The following NAV2 variants were observed in gnomAD, a reference collection of about 807,000 sequenced individuals.
NAV2 encodes neuron navigator 2, also known as helicase, APC down-regulated 1.
Under a neutral mutation model 223.2 loss-of-function variants are expected in NAV2, and 54 were observed. That is an observed-to-expected ratio of 0.24 (90% CI 0.19 to 0.30). The LOEUF (loss-of-function observed/expected upper bound fraction) is 0.30. NAV2 is among the 10% of genes least tolerant of loss of function. NAV2 has a pLI of 1.00. For missense variants in NAV2, 2,806 were observed against 3,147.5 expected (o/e 0.89, Z 2.60); for synonymous variants, 1,279 against 1,239.3 (o/e 1.03, Z -0.67).
At position 19,930,622 on chromosome 11, in the gene NAV2, G is replaced by GT. The variant is rs796677963; in HGVS notation, c.932-2548dup. 3.5e-4 allele frequency among the ~76,000 whole-genome samples: 54 copies of GT among 152,298 alleles called. 1 individual carries two copies. The highest frequency in any genetic ancestry group is 1.2e-3 in the African/African-American group (49 of 41,572). On this transcript the variant is annotated intron_variant, in intron 6 of 37. Transcript: ENST00000349880. ...TCCATGAAGGCAGAGATTTCTATCT[G>GT]TTTTTTCATCGATGGATCCCAAGTA...
chr11:19,518,155 A>T (rs954190909), intron 1 of NAV2, among the ~76,000 whole-genome samples: 3 of 152,228 alleles, frequency 2.0e-5, no homozygotes, highest in Admixed American at 1.3e-4. Flanking sequence ...TTCCTGGATA[A>T]CAGACTCCTA....
At chr11:19,887,927 A>G (rs1279877867) in intron 5 of NAV2, among the ~76,000 whole-genome samples, 2 of 142,034 alleles carry the variant, frequency 1.4e-5, no homozygotes, top group African/African-American at 5.3e-5. Context: ...CAGCCTCTGA[A>G]GTGGTTTTGG....
intron 1 of NAV2, among the ~76,000 whole-genome samples, chr11:19,815,970 G>C (rs1285440423): frequency 6.6e-6 from 1 of 152,180 alleles, no homozygotes; most frequent in Non-Finnish European, 1.5e-5. Flanking sequence ...GTATCTTTGT[G>C]CAAATTGTTC....
intron 11 of NAV2, among the ~76,000 whole-genome samples, chr11:20,008,034 A>G (rs900529308): frequency 3.3e-5 from 5 of 152,252 alleles, no homozygotes; most frequent in Admixed American, 3.3e-4. Flanking sequence ...GCAAAGTTGC[A>G]GAAACCAAAT....
intron 1 of NAV2, among the ~76,000 whole-genome samples, chr11:19,770,172 T>C (rs539006381): frequency 2.0e-5 from 3 of 152,312 alleles, no homozygotes; most frequent in East Asian, 1.9e-4. Flanking sequence ...TTAGAAGCCA[T>C]TGAACTTTTA....
intron 1 of NAV2, among the ~76,000 whole-genome samples, chr11:19,532,141 C>T (rs138240572): frequency 2.0e-5 from 3 of 152,188 alleles, no homozygotes; most frequent in Non-Finnish European, 2.9e-5. Context: ...TGGCCCATTT[C>T]GAGCCCAGTG....
intron 22 of NAV2, among the ~76,000 whole-genome samples, chr11:20,072,155 T>C (rs1032826262): frequency 2.0e-5 from 3 of 152,228 alleles, no homozygotes; most frequent in African/African-American, 7.2e-5. Flanking sequence ...TTTCTGCATA[T>C]GGCTAGCCAG....
intron 22 of NAV2, among the ~76,000 whole-genome samples, chr11:20,068,779 T>C (rs889750227): frequency 6.6e-6 from 1 of 152,124 alleles, no homozygotes; most frequent in African/African-American, 2.4e-5. Context: ...AGAAAAGAAA[T>C]GTAGGGCTTT....
intron 1 of NAV2, among the ~76,000 whole-genome samples, chr11:19,756,373 A>T (rs553560119): frequency 6.6e-6 from 1 of 152,372 alleles, no homozygotes; most frequent in East Asian, 1.9e-4. Context: ...TTCCAGGAGG[A>T]CATGAATTTT....
intron 1 of NAV2, among the ~76,000 whole-genome samples, chr11:19,510,216 C>T (rs1036422432): frequency 2.0e-5 from 3 of 152,178 alleles, no homozygotes; most frequent in Non-Finnish European, 4.4e-5. Context: ...AGTGATAAAT[C>T]CATAGCTCTC....
At chr11:19,545,259 G>A (rs2044462397) in intron 1 of NAV2, among the ~76,000 whole-genome samples, 1 of 152,212 alleles carries the variant, frequency 6.6e-6, no homozygotes, top group Non-Finnish European at 1.5e-5. Flanking sequence ...GCAGATTTGT[G>A]TCTCCATACT....
At chr11:20,086,115 C>T (rs2060428173) in intron 26 of NAV2, among the ~76,000 whole-genome samples, 2 of 152,222 alleles carry the variant, frequency 1.3e-5, no homozygotes, top group South Asian at 4.1e-4. Context: ...ATAGTCAGGG[C>T]CTAGAACACG....
At chr11:19,568,947 A>G (rs2045349685) in intron 1 of NAV2, among the ~76,000 whole-genome samples, 1 of 152,214 alleles carries the variant, frequency 6.6e-6, no homozygotes, top group South Asian at 2.1e-4. Flanking sequence ...ATTGGAAGAA[A>G]GCAAGGCTCT....
intron 1 of NAV2, among the ~76,000 whole-genome samples, chr11:19,540,322 A>C (rs1349516500): frequency 6.6e-6 from 1 of 152,082 alleles, no homozygotes; most frequent in African/African-American, 2.4e-5. Context: ...GCCCTTCTCT[A>C]TTTCATTCTT....
chr11:19,859,385 A>T (rs979587115), intron 3 of NAV2, among the ~76,000 whole-genome samples: 1 of 150,278 alleles, frequency 6.7e-6, no homozygotes, highest in Non-Finnish European at 1.5e-5. Context: ...AACAAAGCAC[A>T]TCTTGCACCG....
At chr11:20,010,866 T>A (rs990193436) in intron 11 of NAV2, among the ~76,000 whole-genome samples, 1 of 152,242 alleles carries the variant, frequency 6.6e-6, no homozygotes, top group Non-Finnish European at 1.5e-5. Flanking sequence ...CATTTAAGCC[T>A]GTGCAAGGCT....
At chr11:19,633,114 A>G (rs746289254) in intron 1 of NAV2, among the ~76,000 whole-genome samples, 4 of 152,094 alleles carry the variant, frequency 2.6e-5, no homozygotes, top group Middle Eastern at 3.4e-3. Context: ...GAGGCCCCTC[A>G]GAAGACAGCG....
chr11:19,875,389 T>A (rs943528452), intron 4 of NAV2, among the ~76,000 whole-genome samples: 3 of 152,230 alleles, frequency 2.0e-5, no homozygotes, highest in Non-Finnish European at 4.4e-5. Context: ...AGGTGTTGAA[T>A]ATTATATGTA....
At chr11:20,005,101 G>A (rs1348631549) in intron 11 of NAV2, among the ~76,000 whole-genome samples, 1 of 152,084 alleles carries the variant, frequency 6.6e-6, no homozygotes, top group Admixed American at 6.6e-5. Flanking sequence ...TGGCCCACAA[G>A]CTCTCTGACA....
Sources: gnomAD v4.1 joint callset for allele counts (sites outside exome capture counted in the v4.1 genomes callset) on GRCh38, gnomAD v4.1.1 for gene constraint, MANE v1.5 for transcripts, NCBI Gene and HGNC (gene_info 2026-07-23, HGNC 2026-07-21) for gene names.